PEX14: variants seen among roughly 807,000 people sequenced by gnomAD.
PEX14 encodes peroxisomal membrane protein PEX14.
In PEX14, 15 loss-of-function variants were observed where a neutral mutation model predicts 49.5. That is an observed-to-expected ratio of 0.30 (90% confidence interval 0.20 to 0.47). The LOEUF is 0.47. Among genes scored for constraint, PEX14 ranks in the 20% least tolerant of loss-of-function variants. PEX14 has a pLI of 1.00. For missense variants in PEX14, 398 were observed against 494.8 expected, an observed-to-expected ratio of 0.80 and a Z score of 1.86; for synonymous variants, 210 against 212.7, an observed-to-expected ratio of 0.99 and a Z score of 0.11.
At chr1:10,548,928 T>A (rs1183266100) in intron 3 of PEX14, among the ~76,000 whole-genome samples, 3 of 152,230 alleles carry the variant, frequency 2.0e-5, no homozygotes, top group Non-Finnish European at 2.9e-5. Context: ...ACAGAGGACT[T>A]GGGCATGCTC....
intron 3 of PEX14, among the ~76,000 whole-genome samples, chr1:10,593,912 G>A (rs990458273): frequency 6.6e-6 from 1 of 152,170 alleles, no homozygotes; most frequent in Non-Finnish European, 1.5e-5. Context: ...CGAAGCAAAT[G>A]CTTCCATCGG....
intron 2 of PEX14, among the ~76,000 whole-genome samples, chr1:10,530,537 T>C (rs1638617606): frequency 6.6e-6 from 1 of 152,220 alleles, no homozygotes; most frequent in Non-Finnish European, 1.5e-5. Context: ...GTGGTTTTAC[T>C]CCGAGTGTGC....
intron 3 of PEX14, among the ~76,000 whole-genome samples, chr1:10,551,820 T>G (rs1406613443): frequency 6.6e-6 from 1 of 152,178 alleles, no homozygotes; most frequent in South Asian, 2.1e-4. Flanking sequence ...CAGAAAGTTA[T>G]GGCCAGGCAC....
chr1:10,623,204 C>G lies in PEX14; in HGVS notation c.487+83C>G. Reference sequence around the variant, plus strand: ...CTCTGCCCCTCCCCTCTCCCTCTGTCTCCACTCTATGTGGTGACTTCATTT... The same window carrying G: ...CTCTGCCCCTCCCCTCTCCCTCTGTGTCCACTCTATGTGGTGACTTCATTT... On this transcript the variant is annotated intron_variant, in intron 6 of 8. Coordinates refer to ENST00000356607, the MANE Select transcript of PEX14 (RefSeq NM_004565.3). This position sits in a 1 kb window ranked among gnomAD's most constrained non-coding sequence, Gnocchi z 4.4. The G allele has an allele frequency of 4.7e-6, 4 of 854,212 alleles. No homozygotes were observed. The highest frequency in any genetic ancestry group is 2.5e-5 in the East Asian group (1 of 39,348). The allele number at this position is 854,212 out of a possible 1,614,324, so 52.9% of individuals were successfully genotyped here.
At position 10,512,512 on chromosome 1, in the gene PEX14, C is replaced by A. The variant is rs1387049286; in HGVS notation, c.84+17191C>A. On this transcript the variant is annotated intron_variant, in intron 2 of 8. Coordinates refer to ENST00000356607, the MANE Select transcript of PEX14 (RefSeq NM_004565.3). The surrounding 1 kb of genome is among the most constrained non-coding windows in gnomAD (Gnocchi z 4.6). The stretch of plus-strand genomic sequence containing the variant: ...GCTTTGAAGCATAGCAGAATCCCAG[C>A]ATTAACTTCAGGGGTGTTGGTTGGA... 6.6e-6 allele frequency among the ~76,000 whole-genome samples: 1 copy of A among 152,172 alleles called. No individual in the cohort carries two copies. The highest frequency in any genetic ancestry group is 1.5e-5 in the Non-Finnish European group (1 of 68,030).
Position 10,623,354 on chromosome 1 carries a change from C to A in PEX14, c.487+233C>A. ...ATGTTTTTACGGAAAGGCTCCCAAC[C>A]TCAGAATATTAATAAGGGGAATAAA... On this transcript the variant is annotated intron_variant, in intron 6 of 8. Coordinates refer to ENST00000356607, the MANE Select transcript of PEX14 (RefSeq NM_004565.3). The surrounding 1 kb of genome is among the most constrained non-coding windows in gnomAD (Gnocchi z 4.4). The A allele has an allele frequency of 2.0e-6, 1 of 490,230 alleles. No individual in the cohort carries two copies. The highest frequency in any genetic ancestry group is 3.8e-6 in the Non-Finnish European group (1 of 266,414). 30.4% of individuals were successfully genotyped at this position (490,230 alleles called of 1,614,324 possible). A position where few individuals can be genotyped will look rare whatever the true frequency, so the allele number is the denominator to read the frequency against.
chr1:10,622,650 C>A (rs1012124775), intron 5 of PEX14, among the ~76,000 whole-genome samples: 15 of 152,206 alleles, frequency 9.9e-5, no homozygotes, highest in Non-Finnish European at 2.1e-4. Flanking sequence ...TTATCTGTTG[C>A]TTGTGTGTCC....
At chr1:10,501,866 C>T (rs1632108) in intron 2 of PEX14, among the ~76,000 whole-genome samples, 41,587 of 151,926 alleles carry the variant, frequency 0.27, 5,957 homozygotes, top group Admixed American at 0.37. Context: ...AGCTGTGATA[C>T]CCCCACTGCA....
At chr1:10,503,028 T>A in intron 2 of PEX14, among the ~76,000 whole-genome samples, 1 of 151,650 alleles carries the variant, frequency 6.6e-6, no homozygotes, top group South Asian at 2.1e-4. Context: ...CTCGAACTCC[T>A]GGGCTCAAGC....
intron 3 of PEX14, among the ~76,000 whole-genome samples, chr1:10,568,801 G>A (rs894544841): frequency 2.2e-4 from 34 of 152,088 alleles, no homozygotes; most frequent in Non-Finnish European, 4.4e-4. Context: ...GTGCAGTGGC[G>A]TGATCTCGGC....
chr1:10,571,177 A>G (rs1037662564), intron 3 of PEX14, among the ~76,000 whole-genome samples: 4 of 152,026 alleles, frequency 2.6e-5, no homozygotes, highest in African/African-American at 9.6e-5. Flanking sequence ...GTTTTGACAT[A>G]CACAATTTTC....
chr1:10,600,366 A>C (rs146782183), intron 4 of PEX14, among the ~76,000 whole-genome samples: 39 of 152,292 alleles, frequency 2.6e-4, no homozygotes, highest in African/African-American at 7.9e-4. Context: ...GGTTGCAGTG[A>C]GCCGAGATCG....
At chr1:10,627,230 C>T (rs749357114) in intron 7 of PEX14, 42 bp from the exon 8 acceptor site, 27 of 1,446,140 alleles carry the variant, frequency 1.9e-5, no homozygotes, top group South Asian at 9.1e-5. Context: ...CCGCCCGTGC[C>T]GCAAGGCGCC....
intron 3 of PEX14, among the ~76,000 whole-genome samples, chr1:10,563,081 T>C (rs1302615595): frequency 4.1e-3 from 2 of 486 alleles, no homozygotes; most frequent in Non-Finnish European, 0.12. Context: ...CTGGCTAATT[T>C]TTTTTTTTTT....
chr1:10,570,412 A>C (rs1381401148), intron 3 of PEX14, among the ~76,000 whole-genome samples: 2 of 152,160 alleles, frequency 1.3e-5, no homozygotes, highest in Non-Finnish European at 2.9e-5. Flanking sequence ...GGCTCACTGC[A>C]ATCTCCACCT....
At chr1:10,488,805 T>C (rs768911202) in intron 1 of PEX14, among the ~76,000 whole-genome samples, 3 of 151,618 alleles carry the variant, frequency 2.0e-5, no homozygotes, top group African/African-American at 7.3e-5. Context: ...GCTCGGCCTC[T>C]ATTTTCTTTT....
rs1057053036 is a variant in PEX14 at position 10,613,726 on chromosome 1, C to T, written c.299-4606C>T. Among the ~76,000 whole-genome samples, 1 of 152,214 alleles carries T rather than the reference C, an allele frequency of 6.6e-6. No individual in the cohort carries two copies. The highest frequency in any genetic ancestry group is 6.5e-5 in the Admixed American group (1 of 15,278). On this transcript the variant is annotated intron_variant, in intron 4 of 8. Coordinates refer to ENST00000356607, the MANE Select transcript of PEX14 (RefSeq NM_004565.3). This position sits in a 1 kb window ranked among gnomAD's most constrained non-coding sequence, Gnocchi z 5.0. ...GGGGCTCACAAAGCCCTGCCACCTT[C>T]AGTCAGTGCTTGATAAGAAGAGAAA...
At chr1:10,543,828 G>A (rs573197776) in intron 3 of PEX14, among the ~76,000 whole-genome samples, 1 of 152,168 alleles carries the variant, frequency 6.6e-6, no homozygotes, top group East Asian at 1.9e-4. Context: ...TCAAACTCTC[G>A]GCCTCAAGTC....
rs1051143299 is a variant in PEX14 at position 10,628,234 on chromosome 1, G to A, written c.677+871G>A. 6.6e-6 allele frequency among the ~76,000 whole-genome samples: 1 copy of A among 152,234 alleles called. No individual in the cohort carries two copies. Among genetic ancestry groups the A allele is most frequent in the Non-Finnish European group, 1.5e-5 (1 of 68,042 alleles). Reference sequence around the variant, plus strand: ...AGGTGTGAGCCACTGTGCCTGGACTGTTCTGGTTTTTTAAAACTGAAAGTC... The same window carrying A: ...AGGTGTGAGCCACTGTGCCTGGACTATTCTGGTTTTTTAAAACTGAAAGTC... On this transcript the variant is annotated intron_variant, in intron 8 of 8. Coordinates refer to ENST00000356607, the MANE Select transcript of PEX14 (RefSeq NM_004565.3). This position sits in a 1 kb window ranked among gnomAD's most constrained non-coding sequence, Gnocchi z 4.5.
Sources: allele counts gnomAD v4.1 joint callset (sites outside exome capture counted in the v4.1 genomes callset), GRCh38; gene constraint gnomAD v4.1.1; non-coding constraint Gnocchi (gnomAD v3.1); transcripts MANE v1.5; gene names NCBI Gene and HGNC (gene_info 2026-07-23, HGNC 2026-07-21).